The following MAPT variants were observed in gnomAD, a reference collection of about 807,000 sequenced individuals.
The protein encoded by MAPT is microtubule-associated protein tau.
A neutral mutation model predicts 67.9 loss-of-function variants in MAPT; 34 were observed. The ratio of observed to expected loss-of-function variants is 0.50; its 90% CI spans 0.38 to 0.67. The LOEUF is 0.67. Ranked by LOEUF, MAPT falls within the 30% of genes least tolerant of loss-of-function variation. The pLI is 0.00. For missense variants in MAPT, 881 were observed against 1,115.2 expected (o/e 0.79, Z 2.99); for synonymous variants, 456 against 464.5 (o/e 0.98, Z 0.23).
chr17:45,993,657 G>A (rs754719179), intron 8 of MAPT, among the ~76,000 whole-genome samples: 18 of 152,090 alleles, frequency 1.2e-4, no homozygotes, highest in Non-Finnish European at 2.4e-4. Context: ...CAAGTGATCC[G>A]CCCACCTCGG....
Position 46,000,846 on chromosome 17 carries a change from C to T in MAPT, c.1998+4182C>T, listed in dbSNP as rs1046042560. 4.6e-5 allele frequency among the ~76,000 whole-genome samples: 7 copies of T among 152,252 alleles called. No individual in the cohort carries two copies. The East Asian group carries it at 1.2e-3, about 25-fold the overall frequency. On this transcript the variant is annotated intron_variant, in intron 9 of 12. Transcript: ENST00000262410. ...CCCAGCCAGGCCAGCCCCTGGTTCCCACATCCCCTTTGCCAAGCTCATCCC... is the reference window on the plus strand; with the variant it reads ...CCCAGCCAGGCCAGCCCCTGGTTCCTACATCCCCTTTGCCAAGCTCATCCC...
intron 1 of MAPT, among the ~76,000 whole-genome samples, chr17:45,928,807 T>C (rs555558013): frequency 1.3e-4 from 20 of 152,316 alleles, no homozygotes; most frequent in Non-Finnish European, 2.6e-4. Flanking sequence ...ACCATTCTCC[T>C]GCCTCAGCCT....
chr17:45,909,869 C>CAAAAAAAAAAA (rs59131080), intron 1 of MAPT, among the ~76,000 whole-genome samples: 1 of 59,860 alleles, frequency 1.7e-5, no homozygotes, highest in Non-Finnish European at 3.0e-5. Context: ...GACTCTGTCT[C>CAAAAAAAAAAA]AAAAAAAAAA....
At chr17:45,898,543 C>T (rs1218782246) in intron 1 of MAPT, 2 of 152,326 alleles carry the variant, frequency 1.3e-5, no homozygotes, top group Non-Finnish European at 2.9e-5. Context: ...TCTGTTGTTA[C>T]AGTCCATTTG....
chr17:45,949,031 T>C (rs947518079), intron 1 of MAPT, among the ~76,000 whole-genome samples: 1 of 152,274 alleles, frequency 6.6e-6, no homozygotes, highest in African/African-American at 2.4e-5. Context: ...ATAATTCATA[T>C]GCCATAAAAG....
At chr17:45,903,901 T>A in intron 1 of MAPT, among the ~76,000 whole-genome samples, 1 of 44,496 alleles carries the variant, frequency 2.2e-5, no homozygotes, top group African/African-American at 9.5e-5. Flanking sequence ...ATATTATATA[T>A]ATTTATATAT....
chr17:45,915,531 G>T lies in MAPT; in HGVS notation c.-18+20845G>T, dbSNP rs1057117379. On this transcript the variant is annotated intron_variant, in intron 1 of 12. Transcript: ENST00000262410. The surrounding 1 kb of genome is among the most constrained non-coding windows in gnomAD (Gnocchi z 4.4). Reference sequence around the variant, plus strand: ...ATGTGTGTGTGATGTGTCTGTGTGTGGTGTGTGTGAGCATGTGTGTTGTGT... The same window carrying T: ...ATGTGTGTGTGATGTGTCTGTGTGTTGTGTGTGTGAGCATGTGTGTTGTGT... Among the ~76,000 whole-genome samples the T allele has an allele frequency of 2.5e-5, 3 of 120,300 alleles. No individual in the cohort carries two copies. Among genetic ancestry groups the T allele is most frequent in the Admixed American group, 8.9e-5 (1 of 11,298 alleles). The allele number at this position is 120,300 out of a possible 152,430, so 78.9% of individuals were successfully genotyped here. A position where few individuals can be genotyped will look rare whatever the true frequency, so the allele number is the denominator to read the frequency against.
intron 2 of MAPT, among the ~76,000 whole-genome samples, chr17:45,970,436 A>T (rs62063297): frequency 0.14 from 22,017 of 152,268 alleles, 2,143 homozygotes; most frequent in Non-Finnish European, 0.22. Context: ...CCATCATGGT[A>T]TGAGCCATGA....
At chr17:45,988,505 C>G (rs568593871) in intron 6 of MAPT, among the ~76,000 whole-genome samples, 70 of 152,210 alleles carry the variant, frequency 4.6e-4, no homozygotes, top group African/African-American at 1.6e-3. Context: ...GTTCCAGGGC[C>G]CCCCCCAGCC....
At chr17:45,962,278 C>T in intron 1 of MAPT, 43 bp from the exon 2 acceptor site, 1 of 1,563,278 alleles carries the variant, frequency 6.4e-7, no homozygotes, top group Non-Finnish European at 8.8e-7. Context: ...CACTCTGCCC[C>T]CCAACACTCC....
At chr17:45,899,449 A>G (rs2063480676) in intron 1 of MAPT, among the ~76,000 whole-genome samples, 1 of 152,182 alleles carries the variant, frequency 6.6e-6, no homozygotes, top group Non-Finnish European at 1.5e-5. Flanking sequence ...CACTTCCGCT[A>G]TGTAGCAGGT....
intron 2 of MAPT, among the ~76,000 whole-genome samples, chr17:45,964,882 C>T (rs2070876239): frequency 6.6e-6 from 1 of 152,130 alleles, no homozygotes. Context: ...GTCCCTGCCC[C>T]ACCCTGGTGC....
chr17:45,904,696 CTTTT>C (rs112216179), intron 1 of MAPT, among the ~76,000 whole-genome samples: 1 of 146,524 alleles, frequency 6.8e-6, no homozygotes, highest in Non-Finnish European at 1.5e-5. Flanking sequence ...TGTCTCTAAA[CTTTT>C]TTTTTTTAAT....
At chr17:45,959,058 G>A (rs2070080286) in intron 1 of MAPT, among the ~76,000 whole-genome samples, 3 of 152,122 alleles carry the variant, frequency 2.0e-5, no homozygotes, top group Admixed American at 2.0e-4. Context: ...GCGAGACTCT[G>A]TCCCAGAAAA....
At chr17:45,904,172 A>T (rs2064029160) in intron 1 of MAPT, among the ~76,000 whole-genome samples, 1 of 24,994 alleles carries the variant, frequency 4.0e-5, no homozygotes, top group African/African-American at 1.0e-4. Context: ...ATATATATTT[A>T]TATATATAAT....
chr17:45,921,987 C>T (rs1159519526), intron 1 of MAPT, among the ~76,000 whole-genome samples: 2 of 151,952 alleles, frequency 1.3e-5, no homozygotes, highest in African/African-American at 4.8e-5. Context: ...CTTTCTGGCT[C>T]CATAGAATGG....
At chr17:45,902,945 C>T (rs1268718123) in intron 1 of MAPT, among the ~76,000 whole-genome samples, 1 of 152,134 alleles carries the variant, frequency 6.6e-6, no homozygotes, top group Non-Finnish European at 1.5e-5. Flanking sequence ...GTTTTCCTTC[C>T]AGCCTATGGC....
intron 11 of MAPT, among the ~76,000 whole-genome samples, chr17:46,015,232 C>T (rs1459639873): frequency 5.3e-5 from 8 of 151,396 alleles, no homozygotes; most frequent in Non-Finnish European, 1.0e-4. Flanking sequence ...TGGTGGCGGG[C>T]GCCTGTAATC....
intron 1 of MAPT, among the ~76,000 whole-genome samples, chr17:45,936,360 C>T (rs2067327252): frequency 1.3e-5 from 2 of 152,254 alleles, no homozygotes; most frequent in Admixed American, 1.3e-4. Context: ...CTTCCTGGCC[C>T]ACTCTCCTGC....
Sources: gnomAD v4.1 joint callset for allele counts (sites outside exome capture counted in the v4.1 genomes callset) on GRCh38, gnomAD v4.1.1 for gene constraint, Gnocchi (gnomAD v3.1) non-coding constraint, MANE v1.5 for transcripts, NCBI Gene and HGNC (gene_info 2026-07-23, HGNC 2026-07-21) for gene names.